The following CRY1 variants were observed in gnomAD, a reference collection of about 807,000 sequenced individuals.
The protein encoded by CRY1 is cryptochrome circadian regulator 1, also known as cryptochrome-1.
CRY1 carries 45 observed loss-of-function variants against 76.0 expected under a neutral mutation model. The observed-to-expected ratio is 0.59, with a 90% confidence interval of 0.47 to 0.76. The LOEUF is 0.76. CRY1 is among the 30% of genes least tolerant of loss of function. The probability of loss-of-function intolerance (pLI) is 0.00; values close to 1 mark genes in which losing one functional copy is unlikely to be tolerated. For missense variants in CRY1, 587 were observed against 716.4 expected, an observed-to-expected ratio of 0.82 and a Z score of 2.06; for synonymous variants, 248 against 244.0, an observed-to-expected ratio of 1.02 and a Z score of -0.15.
chr12:107,086,852 C>T (rs1953408601), intron 1 of CRY1, among the ~76,000 whole-genome samples: 1 of 152,138 alleles, frequency 6.6e-6, no homozygotes, highest in South Asian at 2.1e-4. Flanking sequence ...GGTTACAGTC[C>T]CCACAGAGAA....
chr12:106,996,241 C>G (rs1952231862), intron 10 of CRY1, among the ~76,000 whole-genome samples: 1 of 152,160 alleles, frequency 6.6e-6, no homozygotes, highest in African/African-American at 2.4e-5. Context: ...TCTGTTCCTG[C>G]CTTAGTTTGC....
intron 10 of CRY1, among the ~76,000 whole-genome samples, chr12:106,993,382 T>C (rs1952200126): frequency 6.6e-6 from 1 of 151,640 alleles, no homozygotes; most frequent in Non-Finnish European, 1.5e-5. Context: ...TTCCCACGCT[T>C]TTCCTTCAGA....
rs148741680 is a variant in CRY1 at position 107,028,803 on chromosome 12, T to C, written c.159-6611A>G. On this transcript the variant is annotated intron_variant, in intron 1 of 12. Coordinates refer to ENST00000008527, the MANE Select transcript of CRY1 (RefSeq NM_004075.5). The stretch of plus-strand genomic sequence containing the variant: ...CAAACATCATACACCATGAGTGATA[T>C]TGCCTTTGGTGATGTGATTTTCTGA... Among the ~76,000 whole-genome samples, 45 of 152,314 alleles carry C rather than the reference T, an allele frequency of 3.0e-4. No individual in the cohort carries two copies. In the East Asian group the frequency reaches 5.6e-3, roughly 19 times the overall value.
chr12:107,037,758 A>C (rs1314242698), intron 1 of CRY1, among the ~76,000 whole-genome samples: 1 of 152,000 alleles, frequency 6.6e-6, no homozygotes, highest in Admixed American at 6.6e-5. Flanking sequence ...GCCCAGGCTG[A>C]AGTGCAGTGG....
rs138982335 is a variant in CRY1 at position 107,076,695 on chromosome 12, A to G, written c.158+16109T>C. 3.4e-4 allele frequency among the ~76,000 whole-genome samples: 52 copies of G among 151,712 alleles called. No individual in the cohort carries two copies. In the East Asian group the frequency reaches 7.6e-3, roughly 22 times the overall value. On this transcript the variant is annotated intron_variant, in intron 1 of 12. Coordinates refer to ENST00000008527, the MANE Select transcript of CRY1 (RefSeq NM_004075.5). ...TCTTCAAGAAGCTGATCTAATTTGG[A>G]TATGTGTCCCTGCCCAAATGTCATA... is the stretch of plus-strand genomic sequence containing the variant.
At chr12:107,045,503 C>A (rs1952839276) in intron 1 of CRY1, among the ~76,000 whole-genome samples, 1 of 152,150 alleles carries the variant, frequency 6.6e-6, no homozygotes, top group South Asian at 2.1e-4. Flanking sequence ...ACTAAAAATA[C>A]AAAAATTTGT....
intron 2 of CRY1, among the ~76,000 whole-genome samples, chr12:107,020,416 T>C (rs1004987519): frequency 2.0e-5 from 3 of 152,180 alleles, no homozygotes; most frequent in African/African-American, 7.2e-5. Flanking sequence ...AAATCTCAAG[T>C]TGAATTATAA....
Position 107,087,266 on chromosome 12 carries a change from G to A in CRY1, c.158+5538C>T, listed in dbSNP as rs1452198816. On this transcript the variant is annotated intron_variant, in intron 1 of 12. Transcript: ENST00000008527. ...GTGTGCTCAGGATGTGGGAGGGAGT[G>A]GAAAGTGAGGAAGTGGAAAGATTAA... 2.0e-5 allele frequency among the ~76,000 whole-genome samples: 3 copies of A among 151,278 alleles called. No individual in the cohort carries two copies. In the East Asian group the frequency reaches 5.8e-4, roughly 29 times the overall value.
intron 1 of CRY1, among the ~76,000 whole-genome samples, chr12:107,054,491 A>G (rs1479817389): frequency 6.6e-6 from 1 of 151,762 alleles, no homozygotes; most frequent in East Asian, 1.9e-4. Flanking sequence ...CAAAAAGAAA[A>G]CACAAAATAA....
intron 3 of CRY1, among the ~76,000 whole-genome samples, chr12:107,002,452 G>A (rs868749756): frequency 6.6e-6 from 1 of 152,118 alleles, no homozygotes; most frequent in Non-Finnish European, 1.5e-5. Flanking sequence ...TGGGATACAT[G>A]TAGATAGTAA....
chr12:107,031,669 C>T (rs1565831167), intron 1 of CRY1, among the ~76,000 whole-genome samples: 2 of 152,048 alleles, frequency 1.3e-5, no homozygotes, highest in Admixed American at 1.3e-4. Flanking sequence ...GATATTGTCC[C>T]CCAAACCCCC....
At chr12:107,008,944 C>T (rs1262748549) in intron 2 of CRY1, among the ~76,000 whole-genome samples, 1 of 152,172 alleles carries the variant, frequency 6.6e-6, no homozygotes, top group Non-Finnish European at 1.5e-5. Context: ...TCCCCAGTCA[C>T]GTGAAACTGT....
At chr12:107,088,664 A>AACAACT (rs1373931941) in intron 1 of CRY1, among the ~76,000 whole-genome samples, 1 of 152,196 alleles carries the variant, frequency 6.6e-6, no homozygotes, top group African/African-American at 2.4e-5. Flanking sequence ...ACCTAGTCTA[A>AACAACT]AGGTATTTTG....
intron 2 of CRY1, among the ~76,000 whole-genome samples, chr12:107,010,462 G>C (rs921893634): frequency 1.3e-5 from 2 of 152,078 alleles, no homozygotes; most frequent in East Asian, 3.9e-4. Context: ...ATAAATCAAA[G>C]GCTAACGGCA....
intron 2 of CRY1, among the ~76,000 whole-genome samples, chr12:107,007,431 G>T (rs570097778): frequency 1.3e-5 from 2 of 152,166 alleles, no homozygotes; most frequent in Admixed American, 1.3e-4. Flanking sequence ...CCATATTATT[G>T]GGTTGCTAAA....
chr12:107,063,888 C>T lies in CRY1; in HGVS notation c.158+28916G>A, dbSNP rs1006833414. Among the ~76,000 whole-genome samples, 7 of 152,124 alleles carry T rather than the reference C, an allele frequency of 4.6e-5. No homozygotes were observed. The East Asian group carries it at 7.8e-4, about 17-fold the overall frequency. ...GCTGGGATTAAGGCATGAGCCACTGCGTCCAGCTGGGTCATAGTTCTTAAT... is the reference window on the plus strand; with the variant it reads ...GCTGGGATTAAGGCATGAGCCACTGTGTCCAGCTGGGTCATAGTTCTTAAT... On this transcript the variant is annotated intron_variant, in intron 1 of 12. Transcript: ENST00000008527.
At chr12:107,025,066 T>G (rs956634499) in intron 1 of CRY1, among the ~76,000 whole-genome samples, 1 of 152,236 alleles carries the variant, frequency 6.6e-6, no homozygotes, top group African/African-American at 2.4e-5. Flanking sequence ...AAATTTACAT[T>G]GCATGCATCT....
chr12:107,070,967 G>A (rs1211787740), intron 1 of CRY1, among the ~76,000 whole-genome samples: 1 of 151,616 alleles, frequency 6.6e-6, no homozygotes, highest in Admixed American at 6.6e-5. Flanking sequence ...GCCTCCCAAA[G>A]TGCTGGGATT....
chr12:107,022,779 TAATA>T (rs1952572856), intron 1 of CRY1, among the ~76,000 whole-genome samples: 1 of 150,534 alleles, frequency 6.6e-6, no homozygotes, highest in East Asian at 1.9e-4. Context: ...AAAAAGAAAC[TAATA>T]AGTAGATGCC....
Sources: gnomAD v4.1 joint callset for allele counts (sites outside exome capture counted in the v4.1 genomes callset) on GRCh38, gnomAD v4.1.1 for gene constraint, MANE v1.5 for transcripts, NCBI Gene and HGNC (gene_info 2026-07-23, HGNC 2026-07-21) for gene names.